The following MYO5C variants were observed in gnomAD, a reference collection of about 807,000 sequenced individuals.
The protein encoded by MYO5C is unconventional myosin-Vc.
A neutral mutation model predicts 235.7 loss-of-function variants in MYO5C; 194 were observed. The observed-to-expected ratio is 0.82, with a 90% CI of 0.73 to 0.93. The LOEUF (loss-of-function observed/expected upper bound fraction) is 0.93, where lower values mean the gene tolerates loss of function less well. MYO5C is among the 40% of genes least tolerant of loss of function. The pLI, the probability that MYO5C is intolerant of heterozygous loss-of-function variation, is 0.00. For missense variants in MYO5C, 2,038 were observed against 2,127.2 expected, an observed-to-expected ratio of 0.96 and a Z score of 0.82; for synonymous variants, 707 against 754.8, an observed-to-expected ratio of 0.94 and a Z score of 1.04.
chr15:52,223,535 A>G lies in MYO5C; in HGVS notation c.3627+9T>C. ...TGGCCACGACTGGGGCCCCTGGCTG[A>G]GACCATACCATGTTCTCTGATGTTA... On this transcript the variant is annotated intron_variant, in intron 29 of 40. Coordinates refer to ENST00000261839, the MANE Select transcript of MYO5C (RefSeq NM_018728.4). 6.2e-7 allele frequency: 1 copy of G among 1,610,958 alleles called. No individual in the cohort carries two copies. Among genetic ancestry groups the G allele is most frequent in the Non-Finnish European group, 8.5e-7 (1 of 1,178,204 alleles).
intron 24 of MYO5C, among the ~76,000 whole-genome samples, chr15:52,231,582 A>G (rs186189496): frequency 8.1e-4 from 123 of 152,326 alleles, no homozygotes; most frequent in Non-Finnish European, 1.6e-3. Context: ...AACACTTCAT[A>G]TATTTGTTAA....
Position 52,193,984 on chromosome 15 carries a change from A to G in MYO5C, c.5147T>C (p.Phe1716Ser), listed in dbSNP as rs1393224174. Residue 1716 changes from phenylalanine to serine, a missense_variant, in exon 41 of 41, where the codon TTT becomes TCT. Phe to Ser is a radical substitution (Grantham distance 155, BLOSUM62 -2). Coordinates refer to ENST00000261839, the MANE Select transcript of MYO5C (RefSeq NM_018728.4). ...AGCATGTGGAGAGGGGGTAAAAGGA[A>G]ATGTGACTTGAAAGAGATATTTGGT... ...LDTKYLFQVTFPFTPSPHALE... is the reference protein window; with the variant it reads ...LDTKYLFQVTSPFTPSPHALE... 1.9e-6 allele frequency: 3 copies of G among 1,613,680 alleles called. No homozygotes were observed. Among genetic ancestry groups the G allele is most frequent in the East Asian group, 4.5e-5 (2 of 44,858 alleles).
intron 36 of MYO5C, among the ~76,000 whole-genome samples, chr15:52,207,110 G>A (rs1156715400): frequency 6.6e-6 from 1 of 151,564 alleles, no homozygotes. Context: ...TCCAGCCTGG[G>A]TGACAGAGTG....
intron 28 of MYO5C, 70 bp downstream of exon 28, chr15:52,224,831 C>T: frequency 7.6e-7 from 1 of 1,307,918 alleles, no homozygotes; most frequent in Non-Finnish European, 1.1e-6. Context: ...GTAAGGTAAA[C>T]TTTGGACTTT....
intron 34 of MYO5C, among the ~76,000 whole-genome samples, 182 bp from the exon 35 acceptor site, chr15:52,212,066 G>T (rs1596144091): frequency 6.6e-6 from 1 of 152,194 alleles, no homozygotes; most frequent in East Asian, 1.9e-4. Flanking sequence ...AGATACACAG[G>T]TGTCACTTGT....
intron 23 of MYO5C, among the ~76,000 whole-genome samples, 177 bp downstream of exon 23, chr15:52,235,493 C>T (rs929229726): frequency 1.3e-5 from 2 of 152,104 alleles, no homozygotes; most frequent in Admixed American, 6.5e-5. Context: ...ATAAAACAGA[C>T]GAATCTGTAG....
In MYO5C at chr15:52,266,637, T is replaced by C. The variant is rs539697654; in HGVS notation, c.941-2341A>G. Among the ~76,000 whole-genome samples the C allele has an allele frequency of 2.6e-5, 4 of 152,244 alleles. No homozygotes were observed. In the East Asian group the frequency reaches 7.7e-4, roughly 29 times the overall value. On this transcript the variant is annotated intron_variant, in intron 8 of 40. Coordinates refer to ENST00000261839, the MANE Select transcript of MYO5C (RefSeq NM_018728.4). Reference sequence around the variant, plus strand: ...GTTCCCATCTCACAGAGGAGGAAACTAAGGCATAGGAAGGTTAGGGAACTC... The same window carrying C: ...GTTCCCATCTCACAGAGGAGGAAACCAAGGCATAGGAAGGTTAGGGAACTC...
intron 24 of MYO5C, among the ~76,000 whole-genome samples, chr15:52,230,767 G>A (rs2035931648): frequency 6.7e-6 from 1 of 150,320 alleles, no homozygotes; most frequent in South Asian, 2.1e-4. Context: ...AAAAACTGCA[G>A]TGCTCCCAAG....
At chr15:52,292,932 C>T (rs1277244856) in intron 1 of MYO5C, among the ~76,000 whole-genome samples, 1 of 152,208 alleles carries the variant, frequency 6.6e-6, no homozygotes, top group Non-Finnish European at 1.5e-5. Flanking sequence ...AGGAGTCTGG[C>T]AGAGCATGAG....
chr15:52,276,066 T>C (rs983354908), intron 4 of MYO5C, among the ~76,000 whole-genome samples: 6 of 152,170 alleles, frequency 3.9e-5, no homozygotes, highest in African/African-American at 4.8e-5. Context: ...TCTCATTTCA[T>C]CTCTCCTCTG....
At chr15:52,277,210 A>C in intron 4 of MYO5C, 1 of 530,906 alleles carries the variant, frequency 1.9e-6, no homozygotes, top group South Asian at 1.4e-5. Flanking sequence ...TCTAGCATCA[A>C]ACAAGGCCAA....
chr15:52,263,612 T>A (rs530937118), intron 9 of MYO5C, among the ~76,000 whole-genome samples: 1 of 152,268 alleles, frequency 6.6e-6, no homozygotes, highest in South Asian at 2.1e-4. Flanking sequence ...GTGCTGTTTT[T>A]CAAATGACAT....
intron 34 of MYO5C, 117 bp from the exon 35 acceptor site, chr15:52,212,001 G>A (rs1406817052): frequency 5.1e-6 from 5 of 980,180 alleles, no homozygotes; most frequent in African/African-American, 3.2e-5. Context: ...GTGCCTGAAT[G>A]TATATGGATT....
intron 1 of MYO5C, among the ~76,000 whole-genome samples, chr15:52,286,236 C>T (rs1381348100): frequency 1.1e-4 from 17 of 151,052 alleles, no homozygotes; most frequent in Non-Finnish European, 5.9e-5. Flanking sequence ...GGTCAGCCCC[C>T]GCCAGGCCAG....
intron 25 of MYO5C, among the ~76,000 whole-genome samples, chr15:52,226,483 T>G (rs2035824657): frequency 6.6e-6 from 1 of 152,256 alleles, no homozygotes; most frequent in African/African-American, 2.4e-5. Flanking sequence ...TAAACTCTCC[T>G]TGATATTTTT....
chr15:52,248,202 G>A (rs369240456), intron 14 of MYO5C, among the ~76,000 whole-genome samples: 1 of 152,106 alleles, frequency 6.6e-6, no homozygotes, highest in East Asian at 1.9e-4. Flanking sequence ...GAGTGCAGTG[G>A]CGCAATCATG....
intron 38 of MYO5C, among the ~76,000 whole-genome samples, chr15:52,202,456 G>A (rs779835594): frequency 2.0e-5 from 3 of 152,218 alleles, no homozygotes; most frequent in Admixed American, 6.5e-5. Flanking sequence ...GCAGGTGTTC[G>A]CCTGTCCTCA....
intron 33 of MYO5C, among the ~76,000 whole-genome samples, chr15:52,213,728 A>G (rs780681129): frequency 2.6e-5 from 4 of 152,270 alleles, no homozygotes; most frequent in Non-Finnish European, 4.4e-5. Flanking sequence ...ATAGAGGCTT[A>G]AAACAACACA....
intron 8 of MYO5C, among the ~76,000 whole-genome samples, chr15:52,269,542 G>A (rs2036876388): frequency 6.6e-6 from 1 of 151,552 alleles, no homozygotes; most frequent in Admixed American, 6.6e-5. Flanking sequence ...ACAGGCACCC[G>A]CCACCACGCC....
Sources: allele counts gnomAD v4.1 joint callset (sites outside exome capture counted in the v4.1 genomes callset), GRCh38; gene constraint gnomAD v4.1.1; transcripts MANE v1.5; gene names NCBI Gene and HGNC (gene_info 2026-07-23, HGNC 2026-07-21).